SHANK2: variants seen among roughly 807,000 people sequenced by gnomAD.
The protein encoded by SHANK2 is SH3 and multiple ankyrin repeat domains protein 2.
SHANK2 carries 43 observed loss-of-function variants against 133.7 expected under a neutral mutation model. The ratio of observed to expected loss-of-function variants is 0.32; its 90% CI spans 0.25 to 0.41. SHANK2 has a LOEUF of 0.41. Ranked by LOEUF, SHANK2 falls within the 10% of genes least tolerant of loss-of-function variation. The pLI is 1.00. For missense variants in SHANK2, 1,994 were observed against 2,235.8 expected (o/e 0.89, Z 2.18); for synonymous variants, 1,017 against 952.8 (o/e 1.07, Z -1.24).
chr11:70,543,730 C>A (rs1162146975), intron 17 of SHANK2, among the ~76,000 whole-genome samples: 1 of 152,212 alleles, frequency 6.6e-6, no homozygotes, highest in Non-Finnish European at 1.5e-5. Flanking sequence ...TCATGGGAAC[C>A]CTGATTCATA....
intron 14 of SHANK2, among the ~76,000 whole-genome samples, chr11:70,731,514 T>C (rs1946290673): frequency 6.6e-6 from 1 of 152,210 alleles, no homozygotes; most frequent in African/African-American, 2.4e-5. Context: ...ACACAATGTG[T>C]GGCCTTTTGT....
intron 11 of SHANK2, chr11:70,863,708 C>T (rs1002684601): frequency 1.4e-5 from 6 of 427,164 alleles, no homozygotes; most frequent in Non-Finnish European, 2.4e-5. Flanking sequence ...CCGTTTCGGC[C>T]TCTTTATTTG....
Position 70,502,242 on chromosome 11 carries a change from G to A in SHANK2, c.2242C>T (p.Arg748Cys), listed in dbSNP as rs868930163. 3.8e-6 allele frequency: 6 copies of A among 1,559,084 alleles called. No homozygotes were observed. The highest frequency in any genetic ancestry group is 2.3e-5 in the East Asian group (1 of 42,606). ...AGCTCCGAGGTCATGGACTTGGAGC[G>A]CAGGGTGAGGGCTGTGGTCGGTGCC... ...KRAPTTALTLRSKSMTSELEE... is the reference protein window; with the variant it reads ...KRAPTTALTLCSKSMTSELEE... The change falls in exon 19 of 26, where the codon CGC becomes TGC. Residue 748 changes from arginine to cysteine, a missense_variant. Coordinates refer to ENST00000601538, the MANE Select transcript of SHANK2 (RefSeq NM_012309.5).
intron 3 of SHANK2, among the ~76,000 whole-genome samples, chr11:71,133,334 C>T (rs1952362178): frequency 1.3e-5 from 1 of 77,042 alleles, no homozygotes; most frequent in Non-Finnish European, 2.8e-5. Flanking sequence ...AGGTGGGTGG[C>T]TGGGAGGATG....
chr11:71,198,348 T>G (rs2135613719), intron 2 of SHANK2, among the ~76,000 whole-genome samples: 2 of 152,248 alleles, frequency 1.3e-5, no homozygotes, highest in Middle Eastern at 6.8e-3. Flanking sequence ...GATCTCCCCC[T>G]GTGGGGAGTT....
At chr11:70,648,190 C>T (rs1431245482) in intron 17 of SHANK2, among the ~76,000 whole-genome samples, 2 of 152,244 alleles carry the variant, frequency 1.3e-5, no homozygotes, top group East Asian at 1.9e-4. Flanking sequence ...GGAAAATGCC[C>T]GGAACAGGCA....
At chr11:70,737,057 G>A (rs782431494) in intron 14 of SHANK2, among the ~76,000 whole-genome samples, 5 of 152,122 alleles carry the variant, frequency 3.3e-5, no homozygotes, top group Non-Finnish European at 5.9e-5. Context: ...CGCGGCCAAA[G>A]TGGGGATAAA....
intron 2 of SHANK2, among the ~76,000 whole-genome samples, chr11:71,173,258 G>A (rs1230602100): frequency 1.3e-5 from 2 of 152,220 alleles, no homozygotes; most frequent in East Asian, 3.9e-4. Context: ...AACGGAAGAG[G>A]GAAATTGATT....
intron 10 of SHANK2, among the ~76,000 whole-genome samples, chr11:70,914,897 TAAA>T (rs879975114): frequency 8.3e-6 from 1 of 120,264 alleles, no homozygotes. Context: ...GACTCTGTCT[TAAA>T]AAAAAAAAAA....
At chr11:71,072,384 G>A (rs1397043010) in intron 9 of SHANK2, among the ~76,000 whole-genome samples, 1 of 152,220 alleles carries the variant, frequency 6.6e-6, no homozygotes, top group Non-Finnish European at 1.5e-5. Flanking sequence ...TTGTCATTTA[G>A]GATGCAGCCT....
intron 15 of SHANK2, among the ~76,000 whole-genome samples, chr11:70,696,258 A>G (rs1945389466): frequency 6.6e-6 from 1 of 151,958 alleles, no homozygotes; most frequent in Admixed American, 6.6e-5. Flanking sequence ...TGTCCCTGGT[A>G]TTTTCTGGCC....
chr11:71,193,173 A>G (rs937981890), intron 2 of SHANK2, among the ~76,000 whole-genome samples: 1 of 152,186 alleles, frequency 6.6e-6, no homozygotes, highest in Non-Finnish European at 1.5e-5. Flanking sequence ...ATACTAATAA[A>G]TCAACTCAAA....
intron 17 of SHANK2, among the ~76,000 whole-genome samples, chr11:70,508,344 G>A (rs2135863419): frequency 6.6e-6 from 1 of 152,274 alleles, no homozygotes; most frequent in African/African-American, 2.4e-5. Context: ...CATCCCTCCA[G>A]CTTCCCCTAA....
chr11:70,487,274 C>T lies in SHANK2; in HGVS notation c.3019G>A (p.Ala1007Thr), dbSNP rs781910453. 6.8e-6 allele frequency: 11 copies of T among 1,614,202 alleles called. No individual in the cohort carries two copies. The East Asian group carries it at 2.5e-4, about 36-fold the overall frequency. The change falls in exon 25 of 26, where the codon GCC becomes ACC. Residue 1007 changes from alanine (A) to threonine (T), a missense_variant. By Grantham distance (58) the Ala-to-Thr change is moderately conservative. Transcript: ENST00000601538. This position sits in a 1 kb window ranked among gnomAD's most constrained non-coding sequence, Gnocchi z 5.8. The part of the protein sequence containing the change: ...SKAVYVPAKP[A>T]RRKGMLVKQS... The stretch of plus-strand genomic sequence containing the variant: ...TTCACCAGCATCCCCTTCCGCCTGG[C>T]GGGCTTGGCGGGGACGTAGACGGCT...
In SHANK2 at chr11:70,715,604, T is replaced by A. The variant is rs548559787; in HGVS notation, c.1778-16841A>T. Reference sequence around the variant, plus strand: ...CTACTCTATAGTAATTAGAATGTTTTAAAAAAAATCAGCCCAGGAGCTCAG... The same window carrying A: ...CTACTCTATAGTAATTAGAATGTTTAAAAAAAAATCAGCCCAGGAGCTCAG... On this transcript the variant is annotated intron_variant, in intron 14 of 25. Transcript: ENST00000601538. Among the ~76,000 whole-genome samples the A allele has an allele frequency of 3.4e-4, 52 of 152,170 alleles. 2 individuals are homozygous for A. Among genetic ancestry groups the A allele is most frequent in the Admixed American group, 3.3e-3 (51 of 15,292 alleles).
At chr11:70,740,945 CTA>C (rs1555034601) in intron 14 of SHANK2, among the ~76,000 whole-genome samples, 1 of 152,166 alleles carries the variant, frequency 6.6e-6, no homozygotes, top group East Asian at 1.9e-4. Flanking sequence ...AGGGGACAAA[CTA>C]TGACTGAGAC....
At chr11:70,793,883 A>G (rs1198244167) in intron 14 of SHANK2, among the ~76,000 whole-genome samples, 1 of 152,230 alleles carries the variant, frequency 6.6e-6, no homozygotes, top group Non-Finnish European at 1.5e-5. Flanking sequence ...TAGCAGGTTC[A>G]TTCATATTAG....
chr11:70,896,645 G>A (rs1267727422), intron 10 of SHANK2, 78 bp from the exon 11 acceptor site: 1 of 682,294 alleles, frequency 1.5e-6, no homozygotes, highest in Non-Finnish European at 2.7e-6. Context: ...CATCATTGAA[G>A]GCCTAACACC....
chr11:71,191,237 T>C (rs1384916208), intron 2 of SHANK2, among the ~76,000 whole-genome samples: 4 of 152,164 alleles, frequency 2.6e-5, no homozygotes, highest in African/African-American at 9.7e-5. Flanking sequence ...ATCCATGCTA[T>C]GTCTTTGTTC....
Sources: allele counts gnomAD v4.1 joint callset (sites outside exome capture counted in the v4.1 genomes callset), GRCh38; gene constraint gnomAD v4.1.1; non-coding constraint Gnocchi (gnomAD v3.1); transcripts MANE v1.5; gene names NCBI Gene and HGNC (gene_info 2026-07-23, HGNC 2026-07-21).